Variants in TTF1 observed in about 807,000 individuals in gnomAD.
The protein encoded by TTF1 is transcription termination factor, RNA polymerase I.
Under a neutral mutation model 80.2 loss-of-function variants are expected in TTF1, and 64 were observed. That is an observed-to-expected ratio of 0.80 (90% CI 0.65 to 0.98). The LOEUF (loss-of-function observed/expected upper bound fraction) is 0.98, where lower values mean the gene tolerates loss of function less well. TTF1 is among the 50% of genes least tolerant of loss of function. The probability of loss-of-function intolerance (pLI) is 0.00; values close to 1 mark genes in which losing one functional copy is unlikely to be tolerated. For missense variants in TTF1, 1,023 were observed against 1,086.2 expected (o/e 0.94, Z 0.82); for synonymous variants, 372 against 382.7 (o/e 0.97, Z 0.33).
intron 6 of TTF1, among the ~76,000 whole-genome samples, chr9:132,391,752 C>A (rs139395386): frequency 3.3e-5 from 5 of 152,240 alleles, no homozygotes; most frequent in Non-Finnish European, 7.3e-5. Flanking sequence ...TCCCTCCCAA[C>A]GTGTCCCGTG....
At chr9:132,387,567 A>T (rs1306559318) in intron 8 of TTF1, among the ~76,000 whole-genome samples, 1 of 152,178 alleles carries the variant, frequency 6.6e-6, no homozygotes, top group African/African-American at 2.4e-5. Flanking sequence ...GGCGGACAGC[A>T]AGGCCAGAAC....
chr9:132,406,603 TAAAAAAA>T (rs35899253), intron 1 of TTF1, among the ~76,000 whole-genome samples, 180 bp downstream of exon 1: 2 of 125,428 alleles, frequency 1.6e-5, no homozygotes, highest in Non-Finnish European at 3.3e-5. Flanking sequence ...ACTCCATCTT[TAAAAAAA>T]AAAAAAAAAA....
In TTF1 at chr9:132,398,237, CA is replaced by C; in HGVS notation, c.1680del (p.Ile560MetfsTer19). The C allele has an allele frequency of 1.2e-6, 2 of 1,608,396 alleles. No homozygotes were observed. The highest frequency in any genetic ancestry group is 1.7e-6 in the Non-Finnish European group (2 of 1,178,350). ...GTGTACAGCAGCTTGTCTGCACTCT[CA>C]ATGCCTGTCAGGGCTAGAAAGTCTT... ...NVEDFLALTG[I>X]ESADKLLYTD... On this transcript the variant is annotated frameshift_variant, in exon 4 of 11. Coordinates refer to ENST00000334270, the MANE Select transcript of TTF1 (RefSeq NM_007344.4). LOFTEE classifies it high-confidence loss of function.
chr9:132,388,172 T>A lies in TTF1; in HGVS notation c.2279A>T (p.Asn760Ile). Residue 760 changes from asparagine to isoleucine, a missense_variant, in exon 8 of 11, where the codon AAT becomes ATT. By Grantham distance (149) the Asn-to-Ile change is moderately radical. Coordinates refer to ENST00000334270, the MANE Select transcript of TTF1 (RefSeq NM_007344.4). ...AAGGCTGACCTTGGCCCGCAGGGCA[T>A]TCATGCCATAGTAGATACGCCGACC... Reference protein sequence around the residue: ...TNGRRIYYGMNALRAKVSLIE... With the variant: ...TNGRRIYYGMIALRAKVSLIE... The A allele has an allele frequency of 6.2e-7, 1 of 1,612,368 alleles. No homozygotes were observed.
intron 9 of TTF1, 139 bp downstream of exon 9, chr9:132,386,417 T>C: frequency 1.3e-6 from 1 of 765,096 alleles, no homozygotes; most frequent in Non-Finnish European, 2.2e-6. Flanking sequence ...TCCTAGCAAA[T>C]ACACTGAATT....
At chr9:132,404,712 C>T (rs1233100218) in intron 1 of TTF1, among the ~76,000 whole-genome samples, 4 of 152,124 alleles carry the variant, frequency 2.6e-5, no homozygotes, top group Non-Finnish European at 5.9e-5. Context: ...CATTACCTCA[C>T]CTTTCATCCA....
At chr9:132,378,385 G>C (rs1174593905) in intron 10 of TTF1, among the ~76,000 whole-genome samples, 3 of 128,628 alleles carry the variant, frequency 2.3e-5, no homozygotes, top group Admixed American at 8.0e-5. Context: ...TGGTGTGTGT[G>C]AGTGCATGCA....
At chr9:132,398,096 C>G (rs1000677138) in intron 4 of TTF1, 45 bp downstream of exon 4, 19 of 1,485,974 alleles carry the variant, frequency 1.3e-5, no homozygotes, top group Non-Finnish European at 1.7e-5. Context: ...TTGTTTATGG[C>G]TGGAAGGCTG....
intron 5 of TTF1, 152 bp downstream of exon 5, chr9:132,396,281 G>A (rs1414808707): frequency 1.3e-6 from 1 of 746,796 alleles, no homozygotes; most frequent in East Asian, 2.7e-5. Context: ...AGGCCATGAA[G>A]ACACACATTT....
In TTF1 at chr9:132,400,175, G is replaced by C. The variant is rs1589826487; in HGVS notation, c.1451C>G (p.Ala484Gly). 1 of 1,614,010 alleles carries C rather than the reference G, an allele frequency of 6.2e-7. No individual in the cohort carries two copies. Among genetic ancestry groups the C allele is most frequent in the Non-Finnish European group, 8.5e-7 (1 of 1,180,032 alleles). Residue 484 changes from alanine to glycine, a missense_variant, in exon 3 of 11, where the codon GCC becomes GGC. Transcript: ENST00000334270. ...ACCCAAATCCGCATCTGAATCATCGGCATCTCCTGAATCTGCAGATAAGTA... is the reference window on the plus strand; with the variant it reads ...ACCCAAATCCGCATCTGAATCATCGCCATCTCCTGAATCTGCAGATAAGTA... ...IRYLSADSGDADDSDADLGSA... is the reference protein window; with the variant it reads ...IRYLSADSGDGDDSDADLGSA...
In TTF1 at chr9:132,378,126, TGTG is replaced by T. The variant is rs142318661; in HGVS notation, c.2464+930_2464+932del. ...CATGTGGTGTGTGTGAGTGCATGCA[TGTG>T]GTGTGTGTGAGTGCATGTGGTGTGT... is the stretch of plus-strand genomic sequence containing the variant. On this transcript the variant is annotated intron_variant, in intron 10 of 10. Transcript: ENST00000334270. Among the ~76,000 whole-genome samples the T allele has an allele frequency of 5.5e-3, 515 of 93,164 alleles. 10 individuals carry two copies. Among genetic ancestry groups the T allele is most frequent in the African/African-American group, 0.02 (487 of 24,174 alleles). The allele number at this position is 93,164 out of a possible 152,430, so 61.1% of individuals were successfully genotyped here.
At chr9:132,394,911 G>T (rs1849619134) in intron 5 of TTF1, among the ~76,000 whole-genome samples, 1 of 149,130 alleles carries the variant, frequency 6.7e-6, no homozygotes, top group Non-Finnish European at 1.5e-5. Flanking sequence ...AAAAAAAATT[G>T]CCAGGCACGG....
At chr9:132,392,703 C>G (rs1395751187) in intron 5 of TTF1, among the ~76,000 whole-genome samples, 4 of 152,102 alleles carry the variant, frequency 2.6e-5, no homozygotes, top group Non-Finnish European at 4.4e-5. Context: ...CAGCACTGCC[C>G]AACAGAAACA....
chr9:132,386,875 T>C (rs1361972039), intron 8 of TTF1, among the ~76,000 whole-genome samples: 2 of 151,772 alleles, frequency 1.3e-5, no homozygotes, highest in African/African-American at 2.4e-5. Flanking sequence ...ACAAACCATG[T>C]TGCTTTCTCA....
At chr9:132,397,173 G>C (rs1849667944) in intron 4 of TTF1, among the ~76,000 whole-genome samples, 1 of 152,214 alleles carries the variant, frequency 6.6e-6, no homozygotes, top group Non-Finnish European at 1.5e-5. Context: ...AGGCAAAGTA[G>C]TTTTAAGATA....
In TTF1 at chr9:132,390,718, G is replaced by A. The variant is rs777680141; in HGVS notation, c.2101C>T (p.Leu701Phe). 1.2e-6 allele frequency: 2 copies of A among 1,614,200 alleles called. No homozygotes were observed. Among genetic ancestry groups the A allele is most frequent in the Non-Finnish European group, 1.7e-6 (2 of 1,180,040 alleles). The change falls in exon 7 of 11, where the codon CTC becomes TTC. Residue 701 changes from leucine (L) to phenylalanine (F), a missense_variant. Physicochemically the swap from Leu to Phe is conservative, Grantham distance 22. Coordinates refer to ENST00000334270, the MANE Select transcript of TTF1 (RefSeq NM_007344.4). ...PQELKEVDSK[L>F]QENPESCLSI... ...AGGCAACTTTCAGGATTTTCTTGGAGTTTGGAATCCACCTCTTTTAACTCC... is the reference window on the plus strand; with the variant it reads ...AGGCAACTTTCAGGATTTTCTTGGAATTTGGAATCCACCTCTTTTAACTCC...
rs1849767675 is a variant in TTF1 at position 132,401,766 on chromosome 9, GCT to G, written c.1054_1055del (p.Ser352ProfsTer7). Reference sequence around the variant, plus strand: ...ATCCTTCAGGGTATGCACTCTCGAGGCTCTCAGGCATGGCCACTGCCTCAAAT... The same window carrying G: ...ATCCTTCAGGGTATGCACTCTCGAGGCTCAGGCATGGCCACTGCCTCAAAT... ...QEFEAVAMPESLESAYPEGSQ... is the reference protein window; with the variant it reads ...QEFEAVAMPEXLESAYPEGSQ... On this transcript the variant is annotated frameshift_variant, in exon 2 of 11. Transcript: ENST00000334270. LOFTEE classifies it high-confidence loss of function. 6.2e-7 allele frequency: 1 copy of G among 1,613,784 alleles called. No homozygotes were observed. Among genetic ancestry groups the G allele is most frequent in the East Asian group, 2.2e-5 (1 of 44,876 alleles).
rs150644972 is a variant in TTF1 at position 132,392,231 on chromosome 9, C to T, written c.1857-25G>A. On this transcript the variant is annotated intron_variant, in intron 5 of 10. Coordinates refer to ENST00000334270, the MANE Select transcript of TTF1 (RefSeq NM_007344.4). ...CCTAGGAGAAAGGGAAAATGTTTTA[C>T]AAGTTTAAACGAACTATCAGATTAA... 7.3e-3 allele frequency: 11,747 copies of T among 1,613,336 alleles called. 53 individuals carry two copies. Among genetic ancestry groups the T allele is most frequent in the Non-Finnish European group, 9.0e-3 (10,566 of 1,179,510 alleles).
chr9:132,379,105 C>A lies in TTF1; in HGVS notation c.2418G>T (p.Arg806Ser). 6.2e-7 allele frequency: 1 copy of A among 1,608,444 alleles called. No homozygotes were observed. The highest frequency in any genetic ancestry group is 8.5e-7 in the Non-Finnish European group (1 of 1,178,290). Residue 806 changes from arginine (R) to serine (S), a missense_variant, in exon 10 of 11, where the codon AGG becomes AGT. Coordinates refer to ENST00000334270, the MANE Select transcript of TTF1 (RefSeq NM_007344.4). ...PPSYVQTKFS[R>S]LKAVYVPFWQ... Reference sequence around the variant, plus strand: ...AAAATGGAACATAGACAGCTTTCAGCCTAGAAAATTTAGTTTGAACGTAAG... The same window carrying A: ...AAAATGGAACATAGACAGCTTTCAGACTAGAAAATTTAGTTTGAACGTAAG...
Sources: allele counts gnomAD v4.1 joint callset (sites outside exome capture counted in the v4.1 genomes callset), GRCh38; gene constraint gnomAD v4.1.1; transcripts MANE v1.5; gene names NCBI Gene and HGNC (gene_info 2026-07-23, HGNC 2026-07-21).